CHRM2: variants seen among roughly 807,000 people sequenced by gnomAD.
The protein encoded by CHRM2 is muscarinic acetylcholine receptor M2.
Under a neutral mutation model 25.0 loss-of-function variants are expected in CHRM2, and 8 were observed. The ratio of observed to expected loss-of-function variants is 0.32; its 90% CI spans 0.19 to 0.58. CHRM2 has a LOEUF of 0.58. Ranked by LOEUF, CHRM2 falls within the 20% of genes least tolerant of loss-of-function variation. The probability of loss-of-function intolerance (pLI) is 0.88; values close to 1 mark genes in which losing one functional copy is unlikely to be tolerated. For missense variants in CHRM2, 440 were observed against 567.1 expected, an observed-to-expected ratio of 0.78 and a Z score of 2.28; for synonymous variants, 202 against 205.7, an observed-to-expected ratio of 0.98 and a Z score of 0.15.
intron 2 of CHRM2, among the ~76,000 whole-genome samples, chr7:136,886,278 T>C (rs865796123): frequency 3.3e-5 from 5 of 152,146 alleles, no homozygotes; most frequent in Admixed American, 6.5e-5. Context: ...CGAGTGATAG[T>C]TCTCTAGTTT....
chr7:136,926,289 T>C (rs1798746003), intron 2 of CHRM2, among the ~76,000 whole-genome samples: 2 of 152,006 alleles, frequency 1.3e-5, no homozygotes, highest in African/African-American at 4.8e-5. Context: ...AATTTAAAAT[T>C]AAAACATAAG....
At chr7:136,875,893 T>C (rs1796034303) in intron 2 of CHRM2, among the ~76,000 whole-genome samples, 1 of 152,112 alleles carries the variant, frequency 6.6e-6, no homozygotes, top group Admixed American at 6.6e-5. Context: ...TTTATTCTCC[T>C]CCTCCTCTTC....
chr7:136,951,462 A>C (rs1295140032), intron 2 of CHRM2, among the ~76,000 whole-genome samples: 2 of 152,204 alleles, frequency 1.3e-5, no homozygotes, highest in Non-Finnish European at 2.9e-5. Context: ...TTTGCTGACC[A>C]GCTGTAGGTT....
chr7:136,909,587 GT>G (rs961171155), intron 2 of CHRM2, among the ~76,000 whole-genome samples: 31 of 151,928 alleles, frequency 2.0e-4, no homozygotes, highest in African/African-American at 7.2e-4. Context: ...CAGATGTCAG[GT>G]TTATTATTAT....
chr7:137,011,215 G>GTGTGTGTGTGTGTATATATATATATATA, intron 3 of CHRM2, among the ~76,000 whole-genome samples: 78 of 134,304 alleles, frequency 5.8e-4, no homozygotes, highest in African/African-American at 1.7e-3. Context: ...GTGTGTGTGT[G>GTGTGTGTGTGTGTATATATATATATATA]TATATATATA....
chr7:136,889,273 C>T (rs1214241422), intron 2 of CHRM2, among the ~76,000 whole-genome samples: 2 of 151,956 alleles, frequency 1.3e-5, no homozygotes, highest in Non-Finnish European at 2.9e-5. Context: ...GTGAGTGGCT[C>T]TAAGAGCACT....
At chr7:136,905,692 T>C (rs1797498370) in intron 2 of CHRM2, among the ~76,000 whole-genome samples, 2 of 151,732 alleles carry the variant, frequency 1.3e-5, no homozygotes, top group South Asian at 4.1e-4. Flanking sequence ...TTTATTTTGA[T>C]CTTCCAGTCT....
At chr7:136,956,778 C>A (rs1191005827) in intron 2 of CHRM2, among the ~76,000 whole-genome samples, 2 of 151,720 alleles carry the variant, frequency 1.3e-5, no homozygotes, top group South Asian at 2.1e-4. Context: ...ACTAAAGCAA[C>A]AAATCAATGC....
At chr7:136,959,873 T>C (rs1311332722) in intron 2 of CHRM2, among the ~76,000 whole-genome samples, 1 of 152,050 alleles carries the variant, frequency 6.6e-6, no homozygotes, top group Admixed American at 6.5e-5. Flanking sequence ...ATCGCACCAT[T>C]GCACTCCAGC....
At chr7:136,944,536 T>C (rs28509469) in intron 2 of CHRM2, among the ~76,000 whole-genome samples, 2,017 of 152,184 alleles carry the variant, frequency 0.013, 23 homozygotes, top group Non-Finnish European at 0.018. Context: ...TGTACATATA[T>C]ACATATATAT....
At chr7:136,919,038 G>T (rs1454684607) in intron 2 of CHRM2, among the ~76,000 whole-genome samples, 2 of 152,092 alleles carry the variant, frequency 1.3e-5, no homozygotes, top group East Asian at 3.9e-4. Flanking sequence ...TTTCTAAAGT[G>T]CAACGTGGCA....
At chr7:136,952,228 A>T (rs1234555124) in intron 2 of CHRM2, among the ~76,000 whole-genome samples, 1 of 152,212 alleles carries the variant, frequency 6.6e-6, no homozygotes, top group Non-Finnish European at 1.5e-5. Context: ...TAATATGATG[A>T]CATAAAATAT....
At chr7:137,001,306 A>C (rs1362882853) in intron 3 of CHRM2, among the ~76,000 whole-genome samples, 1 of 152,188 alleles carries the variant, frequency 6.6e-6, no homozygotes, top group African/African-American at 2.4e-5. Context: ...TTTTAATAAC[A>C]ATACAAAAAA....
At chr7:136,933,428 A>T (rs1236845851) in intron 2 of CHRM2, among the ~76,000 whole-genome samples, 3 of 152,230 alleles carry the variant, frequency 2.0e-5, no homozygotes, top group Admixed American at 6.5e-5. Flanking sequence ...CAAAAAGATA[A>T]TATCAAGTGT....
chr7:136,972,795 G>A (rs1257431980), intron 2 of CHRM2, among the ~76,000 whole-genome samples: 1 of 113,952 alleles, frequency 8.8e-6, no homozygotes, highest in African/African-American at 3.3e-5. Context: ...GGTGGCAGGT[G>A]ACGATGGTGA....
chr7:136,984,546 T>C (rs1802713920), intron 2 of CHRM2, among the ~76,000 whole-genome samples: 1 of 152,058 alleles, frequency 6.6e-6, no homozygotes, highest in African/African-American at 2.4e-5. Flanking sequence ...CCCAGTTTTG[T>C]GCTTGAAACC....
intron 2 of CHRM2, among the ~76,000 whole-genome samples, chr7:136,937,401 T>G (rs985272630): frequency 1.2e-4 from 18 of 147,880 alleles, no homozygotes; most frequent in Admixed American, 4.7e-4. Context: ...TTTTCCTCAG[T>G]TTTTTTTGAA....
At position 136,980,533 on chromosome 7, in the gene CHRM2, G is replaced by A. The variant is rs536528614; in HGVS notation, c.-124-11654G>A. Reference sequence around the variant, plus strand: ...CCTTGTCTTCTGCCAGTTTTCAAAGGAAATGCTTCCAGCATTTTCCCATTC... The same window carrying A: ...CCTTGTCTTCTGCCAGTTTTCAAAGAAAATGCTTCCAGCATTTTCCCATTC... On this transcript the variant is annotated intron_variant, in intron 2 of 3. Transcript: ENST00000680005. Among the ~76,000 whole-genome samples, 6 of 152,270 alleles carry A rather than the reference G, an allele frequency of 3.9e-5. No homozygotes were observed. In the East Asian group the frequency reaches 1.2e-3, roughly 29 times the overall value.
At chr7:136,923,329 G>A (rs1798558057) in intron 2 of CHRM2, among the ~76,000 whole-genome samples, 1 of 148,052 alleles carries the variant, frequency 6.8e-6, no homozygotes, top group Non-Finnish European at 1.5e-5. Context: ...TTTGTGTTCT[G>A]GTGACCACAA....
Sources: allele counts gnomAD v4.1 joint callset (sites outside exome capture counted in the v4.1 genomes callset), GRCh38; gene constraint gnomAD v4.1.1; transcripts MANE v1.5; gene names NCBI Gene and HGNC (gene_info 2026-07-23, HGNC 2026-07-21).